The following RICTOR variants were observed in gnomAD, a reference collection of about 807,000 sequenced individuals.
RICTOR encodes rapamycin-insensitive companion of mTOR.
In RICTOR, 49 loss-of-function variants were observed where a neutral mutation model predicts 214.9. The ratio of observed to expected loss-of-function variants is 0.23; its 90% CI spans 0.18 to 0.29. The LOEUF (loss-of-function observed/expected upper bound fraction) is 0.29, where lower values mean the gene tolerates loss of function less well. Among genes scored for constraint, RICTOR ranks in the 10% least tolerant of loss-of-function variants. The probability of loss-of-function intolerance (pLI) is 1.00; values close to 1 mark genes in which losing one functional copy is unlikely to be tolerated. For missense variants in RICTOR, 1,625 were observed against 2,047.0 expected (o/e 0.79, Z 3.98); for synonymous variants, 717 against 711.3 (o/e 1.01, Z -0.13).
At chr5:38,963,691 A>G (rs1022263680) in intron 16 of RICTOR, among the ~76,000 whole-genome samples, 1 of 152,000 alleles carries the variant, frequency 6.6e-6, no homozygotes, top group Non-Finnish European at 1.5e-5. Context: ...AGCTAAAGAT[A>G]AAACTATTTT....
chr5:39,016,466 G>T (rs1008349843), intron 3 of RICTOR, among the ~76,000 whole-genome samples: 1 of 151,820 alleles, frequency 6.6e-6, no homozygotes, highest in Non-Finnish European at 1.5e-5. Flanking sequence ...AGAAGAGAGT[G>T]GGGGAGCACA....
At chr5:39,025,543 G>A (rs1755747205) in intron 2 of RICTOR, among the ~76,000 whole-genome samples, 1 of 152,186 alleles carries the variant, frequency 6.6e-6, no homozygotes, top group Non-Finnish European at 1.5e-5. Context: ...ACTAAATAAT[G>A]GAGACCGAAT....
intron 22 of RICTOR, 84 bp downstream of exon 22, chr5:38,959,111 A>G: frequency 1.9e-6 from 2 of 1,068,212 alleles, no homozygotes; most frequent in Non-Finnish European, 2.6e-6. Context: ...ATATTCTTAG[A>G]ACTTAATTTT....
At chr5:38,943,944 C>T (rs1406638381) in intron 36 of RICTOR, among the ~76,000 whole-genome samples, 3 of 151,894 alleles carry the variant, frequency 2.0e-5, no homozygotes, top group Non-Finnish European at 4.4e-5. Context: ...ACATGTAAGC[C>T]CACTTTCCTC....
At chr5:39,056,633 T>C (rs72732763) in intron 2 of RICTOR, among the ~76,000 whole-genome samples, 1 of 150,508 alleles carries the variant, frequency 6.6e-6, no homozygotes, top group Non-Finnish European at 1.5e-5. Flanking sequence ...CGAGACCCTG[T>C]CTCAAAAAAG....
At chr5:38,943,005 T>C (rs1001146889) in intron 36 of RICTOR, 34 bp from the exon 37 acceptor site, 10 of 1,503,862 alleles carry the variant, frequency 6.6e-6, no homozygotes, top group Non-Finnish European at 9.2e-6. Flanking sequence ...ATGAAAACTG[T>C]AATCATGATG....
chr5:39,033,982 C>T (rs1039011988), intron 2 of RICTOR, among the ~76,000 whole-genome samples: 4 of 152,102 alleles, frequency 2.6e-5, no homozygotes, highest in South Asian at 2.1e-4. Context: ...TTTCTGTGTA[C>T]ACAAAAACAT....
intron 6 of RICTOR, among the ~76,000 whole-genome samples, chr5:38,995,922 C>G (rs1753147611): frequency 6.6e-6 from 1 of 152,134 alleles, no homozygotes; most frequent in Admixed American, 6.6e-5. Context: ...AGGCTTAACT[C>G]ATCCATTTAC....
chr5:38,944,277 G>A (rs1284472683), intron 36 of RICTOR, 169 bp downstream of exon 36: 8 of 699,758 alleles, frequency 1.1e-5, no homozygotes, highest in Non-Finnish European at 2.1e-5. Context: ...GTTGCCATAT[G>A]TTGTTTTGGC....
At chr5:39,068,950 A>G (rs1759102779) in intron 2 of RICTOR, among the ~76,000 whole-genome samples, 1 of 152,222 alleles carries the variant, frequency 6.6e-6, no homozygotes, top group African/African-American at 2.4e-5. Flanking sequence ...TGGTTAAGTT[A>G]CCTGTTTGAG....
intron 5 of RICTOR, among the ~76,000 whole-genome samples, chr5:38,998,044 C>G (rs1462636823): frequency 6.6e-6 from 1 of 152,172 alleles, no homozygotes; most frequent in Non-Finnish European, 1.5e-5. Context: ...ACACAATACT[C>G]TAAGAAATAG....
chr5:38,943,512 TA>T (rs906456664), intron 36 of RICTOR, among the ~76,000 whole-genome samples: 26 of 151,364 alleles, frequency 1.7e-4, no homozygotes, highest in Non-Finnish European at 2.7e-4. Context: ...ATATCACCCT[TA>T]AAAAAAAGCC....
chr5:38,950,362 T>A lies in RICTOR; in HGVS notation c.3486A>T (p.Ser1162=). The change falls in exon 31 of 38, where the codon TCA becomes TCT. Residue 1162 remains serine (S), a synonymous_variant. Coordinates refer to ENST00000357387, the MANE Select transcript of RICTOR (RefSeq NM_152756.5). ...TVQKTLQLET[S]FMGNKHIEDT... is the part of the protein sequence containing the mutation. ...CTTCAATGTGCTTATTCCCCATAAA[T>A]GAAGTCTCTAATTGTAATGTTTTCT... 1.9e-6 allele frequency: 3 copies of A among 1,613,438 alleles called. No homozygotes were observed. Among genetic ancestry groups the A allele is most frequent in the Non-Finnish European group, 2.5e-6 (3 of 1,179,554 alleles).
At chr5:39,000,822 T>A (rs1211128229) in intron 5 of RICTOR, among the ~76,000 whole-genome samples, 1 of 151,976 alleles carries the variant, frequency 6.6e-6, no homozygotes, top group Non-Finnish European at 1.5e-5. Flanking sequence ...TCCCCCCAAT[T>A]TTTTTATATA....
At chr5:39,069,321 T>C (rs1759138334) in intron 2 of RICTOR, among the ~76,000 whole-genome samples, 1 of 152,194 alleles carries the variant, frequency 6.6e-6, no homozygotes, top group Non-Finnish European at 1.5e-5. Flanking sequence ...TTTCAGCCCA[T>C]GCCTAACATA....
intron 28 of RICTOR, 60 bp downstream of exon 28, chr5:38,953,401 G>GAA: frequency 7.2e-6 from 5 of 697,280 alleles, no homozygotes; most frequent in South Asian, 4.9e-5. Context: ...TAGTATAAAT[G>GAA]AAAAAAAAAC....
In RICTOR at chr5:38,959,899, C is replaced by T; in HGVS notation, c.1931G>A (p.Arg644Lys). The T allele has an allele frequency of 6.2e-7, 1 of 1,613,134 alleles. No homozygotes were observed. ...LNASSGMKPE[R>K]SLQNNGLLTT... is the part of the protein sequence containing the mutation. ...CAATAAACCATTATTTTGAAGACTT[C>T]TTTCGGGTTTCATTCCAGATGAAGC... The change falls in exon 21 of 38, where the codon AGA (arginine) becomes AAA (lysine). Residue 644 changes from arginine to lysine, a missense_variant. Coordinates refer to ENST00000357387, the MANE Select transcript of RICTOR (RefSeq NM_152756.5).
chr5:38,965,054 T>C (rs1750104693), intron 15 of RICTOR, among the ~76,000 whole-genome samples, 162 bp from the exon 16 acceptor site: 1 of 152,034 alleles, frequency 6.6e-6, no homozygotes. Flanking sequence ...TTTATATTTT[T>C]ATCATATCTA....
intron 31 of RICTOR, 96 bp downstream of exon 31, chr5:38,949,616 T>C: frequency 8.7e-7 from 1 of 1,152,646 alleles, no homozygotes; most frequent in Non-Finnish European, 1.3e-6. Flanking sequence ...AGGTCAGTGA[T>C]GAGGCTCACA....
Sources: allele counts gnomAD v4.1 joint callset (sites outside exome capture counted in the v4.1 genomes callset), GRCh38; gene constraint gnomAD v4.1.1; transcripts MANE v1.5; gene names NCBI Gene and HGNC (gene_info 2026-07-23, HGNC 2026-07-21).